Variants in STAU2 observed in about 807,000 individuals in gnomAD.
STAU2 encodes staufen double-stranded RNA binding protein 2, also known as double-stranded RNA-binding protein Staufen homolog 2.
Under a neutral mutation model 65.9 loss-of-function variants are expected in STAU2, and 20 were observed. The ratio of observed to expected loss-of-function variants is 0.30; its 90% confidence interval spans 0.21 to 0.44. The LOEUF (loss-of-function observed/expected upper bound fraction) is 0.44. Ranked by LOEUF, STAU2 falls within the 20% of genes least tolerant of loss-of-function variation. STAU2 has a pLI of 1.00. For synonymous variants in STAU2, 232 were observed against 233.9 expected, an observed-to-expected ratio of 0.99 and a Z score of 0.07; for missense variants, 558 against 683.9, an observed-to-expected ratio of 0.82 and a Z score of 2.05.
chr8:73,587,129 G>C (rs80223427), intron 11 of STAU2, among the ~76,000 whole-genome samples: 2 of 152,056 alleles, frequency 1.3e-5, no homozygotes, highest in Non-Finnish European at 2.9e-5. Flanking sequence ...AGAATCAGGT[G>C]TTGAAATTTT....
At chr8:73,657,987 T>C (rs972163118) in intron 6 of STAU2, among the ~76,000 whole-genome samples, 25 of 151,732 alleles carry the variant, frequency 1.6e-4, no homozygotes, top group African/African-American at 5.6e-4. Context: ...GCACTCCAGC[T>C]TGGCGACAGA....
chr8:73,734,675 TC>T (rs1806306607), intron 3 of STAU2, among the ~76,000 whole-genome samples: 1 of 151,998 alleles, frequency 6.6e-6, no homozygotes, highest in South Asian at 2.1e-4. Context: ...GCGCTTGTGA[TC>T]CCAGCTACTC....
chr8:73,680,944 C>CAAAA (rs980439002), intron 5 of STAU2, among the ~76,000 whole-genome samples: 2 of 151,854 alleles, frequency 1.3e-5, no homozygotes, highest in Non-Finnish European at 2.9e-5. Flanking sequence ...AAAAAATGAA[C>CAAAA]AAAGCCTCCA....
intron 12 of STAU2, among the ~76,000 whole-genome samples, chr8:73,574,842 C>G (rs1221984776): frequency 6.6e-6 from 1 of 151,760 alleles, no homozygotes; most frequent in Non-Finnish European, 1.5e-5. Flanking sequence ...ACCAACATGG[C>G]ACATGTATAC....
chr8:73,569,260 G>T (rs189244248), intron 12 of STAU2, among the ~76,000 whole-genome samples: 5,716 of 152,208 alleles, frequency 0.038, 315 homozygotes, highest in Admixed American at 0.15. Flanking sequence ...GAGGCTGGGG[G>T]AGGGCCGTCC....
chr8:73,535,209 G>A (rs550109222), intron 13 of STAU2, among the ~76,000 whole-genome samples: 57 of 151,716 alleles, frequency 3.8e-4, no homozygotes, highest in African/African-American at 1.2e-3. Context: ...TCACTCTGTC[G>A]CCCAGGCTGA....
intron 5 of STAU2, among the ~76,000 whole-genome samples, chr8:73,675,235 T>C (rs1817951354): frequency 6.6e-6 from 1 of 151,876 alleles, no homozygotes; most frequent in Admixed American, 6.6e-5. Flanking sequence ...ATTTAAGAAT[T>C]TGAACTGAAT....
chr8:73,645,531 A>G (rs934216161), intron 6 of STAU2, among the ~76,000 whole-genome samples: 27 of 152,258 alleles, frequency 1.8e-4, no homozygotes, highest in African/African-American at 6.5e-4. Flanking sequence ...GAATGAGGCA[A>G]GGAGGTCCAC....
chr8:73,716,871 A>G (rs1226843288), intron 3 of STAU2, among the ~76,000 whole-genome samples: 1 of 152,170 alleles, frequency 6.6e-6, no homozygotes, highest in Non-Finnish European at 1.5e-5. Flanking sequence ...TGGGAGGCCA[A>G]GGCAGGTGGA....
At chr8:73,708,606 T>A (rs1291589527) in intron 4 of STAU2, among the ~76,000 whole-genome samples, 1 of 152,148 alleles carries the variant, frequency 6.6e-6, no homozygotes, top group Non-Finnish European at 1.5e-5. Flanking sequence ...TCTCACTAGG[T>A]AACTGTTGGT....
At chr8:73,736,816 A>C (rs766959068) in intron 3 of STAU2, among the ~76,000 whole-genome samples, 1 of 152,196 alleles carries the variant, frequency 6.6e-6, no homozygotes, top group African/African-American at 2.4e-5. Flanking sequence ...AGGAACTGGA[A>C]ATTTCTTTGG....
intron 13 of STAU2, among the ~76,000 whole-genome samples, chr8:73,482,115 T>C (rs1237959193): frequency 6.6e-6 from 1 of 152,146 alleles, no homozygotes; most frequent in Non-Finnish European, 1.5e-5. Context: ...GCTTCACACC[T>C]ATTATCTCAT....
At chr8:73,692,931 G>A (rs1335712344) in intron 4 of STAU2, among the ~76,000 whole-genome samples, 2 of 152,070 alleles carry the variant, frequency 1.3e-5, no homozygotes, top group Non-Finnish European at 2.9e-5. Flanking sequence ...AGGCCAAGGT[G>A]GGAGGATCAC....
intron 13 of STAU2, among the ~76,000 whole-genome samples, chr8:73,467,772 C>G (rs1049259825): frequency 4.6e-5 from 7 of 152,032 alleles, no homozygotes; most frequent in African/African-American, 1.7e-4. Flanking sequence ...CCCCTGTGTC[C>G]TTTTACAAAC....
At chr8:73,601,744 T>C (rs1371854347) in intron 10 of STAU2, among the ~76,000 whole-genome samples, 2 of 152,170 alleles carry the variant, frequency 1.3e-5, no homozygotes, top group African/African-American at 2.4e-5. Flanking sequence ...ACCCATAAAA[T>C]GGAAGCTGGC....
At chr8:73,612,633 T>C (rs1361620899) in intron 9 of STAU2, among the ~76,000 whole-genome samples, 1 of 152,248 alleles carries the variant, frequency 6.6e-6, no homozygotes, top group African/African-American at 2.4e-5. Context: ...CATGTCAGTA[T>C]TCATTAAAAA....
At chr8:73,663,470 T>C (rs1010964291) in intron 6 of STAU2, among the ~76,000 whole-genome samples, 8 of 152,188 alleles carry the variant, frequency 5.3e-5, no homozygotes, top group African/African-American at 1.9e-4. Flanking sequence ...TTTTCTGCTG[T>C]CTTGATTATT....
At chr8:73,703,965 C>A (rs1215754972) in intron 4 of STAU2, among the ~76,000 whole-genome samples, 1 of 152,132 alleles carries the variant, frequency 6.6e-6, no homozygotes, top group African/African-American at 2.4e-5. Flanking sequence ...AATGTTCTCC[C>A]ATCTTTTTAG....
chr8:73,649,611 C>T (rs1349387315), intron 6 of STAU2, among the ~76,000 whole-genome samples: 1 of 151,922 alleles, frequency 6.6e-6, no homozygotes, highest in Non-Finnish European at 1.5e-5. Flanking sequence ...AAGTAACTAT[C>T]AAATAGGATT....
Sources: allele counts gnomAD v4.1 joint callset (sites outside exome capture counted in the v4.1 genomes callset), GRCh38; gene constraint gnomAD v4.1.1; transcripts MANE v1.5; gene names NCBI Gene and HGNC (gene_info 2026-07-23, HGNC 2026-07-21).